PCDH15: variants seen among roughly 807,000 people sequenced by gnomAD.
The protein encoded by PCDH15 is protocadherin related 15, also known as protocadherin-15.
Under a neutral mutation model 178.5 loss-of-function variants are expected in PCDH15, and 129 were observed. The ratio of observed to expected loss-of-function variants is 0.72; its 90% confidence interval spans 0.63 to 0.84. PCDH15 has a LOEUF of 0.84. PCDH15 is among the 40% of genes least tolerant of loss of function. PCDH15 has a pLI of 0.00. For missense variants in PCDH15, 2,230 were observed against 2,099.9 expected (o/e 1.06, Z -1.21); for synonymous variants, 800 against 732.0 (o/e 1.09, Z -1.50).
chr10:54,499,367 G>A (rs1267874000), intron 3 of PCDH15, among the ~76,000 whole-genome samples: 1 of 152,040 alleles, frequency 6.6e-6, no homozygotes, highest in Admixed American at 6.6e-5. Context: ...AATGGAAAAT[G>A]CATCCTTCTC....
intron 2 of PCDH15, among the ~76,000 whole-genome samples, chr10:55,325,241 C>CA (rs1588914810): frequency 6.6e-6 from 1 of 151,698 alleles, no homozygotes; most frequent in African/African-American, 2.4e-5. Flanking sequence ...CATATGGAAC[C>CA]AAAAAAAGCT....
chr10:55,299,962 C>T (rs1843231151), intron 1 of PCDH15, among the ~76,000 whole-genome samples: 2 of 152,156 alleles, frequency 1.3e-5, no homozygotes, highest in Admixed American at 1.3e-4. Context: ...CAACTTATAA[C>T]ATTTTTGTTT....
chr10:53,889,079 C>T (rs1657841073), intron 26 of PCDH15, among the ~76,000 whole-genome samples: 1 of 150,652 alleles, frequency 6.6e-6, no homozygotes, highest in South Asian at 2.1e-4. Flanking sequence ...CAAAAAAATC[C>T]CATATGGACT....
intron 32 of PCDH15, chr10:53,822,453 GGAGAAGGAGGAGAAA>G (rs1250571349): frequency 1.3e-6 from 2 of 1,598,500 alleles, no homozygotes; most frequent in Admixed American, 3.4e-5. Context: ...AGCAGGAGGA[GGAGAAGGAGGAGAAA>G]TAGGAGGAGG....
intron 2 of PCDH15, among the ~76,000 whole-genome samples, chr10:55,431,469 T>G (rs900095334): frequency 1.3e-5 from 2 of 152,048 alleles, no homozygotes; most frequent in Non-Finnish European, 2.9e-5. Context: ...AAGGAAAAAA[T>G]CCAGGTCATA....
At chr10:54,117,414 G>C (rs1238820324) in intron 15 of PCDH15, among the ~76,000 whole-genome samples, 1 of 152,088 alleles carries the variant, frequency 6.6e-6, no homozygotes, top group East Asian at 1.9e-4. Context: ...CCCTGGTTTG[G>C]GGAGCCCTTA....
At chr10:54,429,650 T>C (rs1956726719) in intron 3 of PCDH15, among the ~76,000 whole-genome samples, 2 of 152,094 alleles carry the variant, frequency 1.3e-5, no homozygotes, top group South Asian at 2.1e-4. Context: ...ATATATTCTA[T>C]GCCAATAAAA....
intron 2 of PCDH15, among the ~76,000 whole-genome samples, chr10:54,975,821 G>A (rs1839056143): frequency 6.6e-6 from 1 of 152,108 alleles, no homozygotes; most frequent in African/African-American, 2.4e-5. Context: ...GAAACAATAA[G>A]GCTATATCAT....
chr10:54,191,894 C>T (rs1727497916), intron 11 of PCDH15, among the ~76,000 whole-genome samples: 1 of 148,260 alleles, frequency 6.7e-6, no homozygotes, highest in Non-Finnish European at 1.5e-5. Flanking sequence ...GCACTCCAGC[C>T]TGGGTGACAG....
chr10:54,762,117 TG>T (rs1947952827), intron 1 of PCDH15, among the ~76,000 whole-genome samples: 1 of 152,152 alleles, frequency 6.6e-6, no homozygotes, highest in Admixed American at 6.5e-5. Context: ...ATTTTACCTA[TG>T]TATGAGCTAT....
At chr10:54,025,073 A>G (rs2093041645) in intron 18 of PCDH15, among the ~76,000 whole-genome samples, 1 of 152,174 alleles carries the variant, frequency 6.6e-6, no homozygotes. Context: ...GTTTTTATTG[A>G]CCCATATAAT....
intron 3 of PCDH15, among the ~76,000 whole-genome samples, chr10:54,464,799 A>G (rs1351926467): frequency 6.6e-6 from 1 of 152,164 alleles, no homozygotes; most frequent in East Asian, 1.9e-4. Context: ...AACAAGAGCA[A>G]CCTAATTCTA....
At chr10:54,783,086 G>A (rs561563705) in intron 1 of PCDH15, among the ~76,000 whole-genome samples, 6 of 152,108 alleles carry the variant, frequency 3.9e-5, no homozygotes, top group East Asian at 1.9e-4. Flanking sequence ...GCAAGGAAAC[G>A]TGACACTTTC....
chr10:55,050,783 A>G (rs1454644368), intron 2 of PCDH15, among the ~76,000 whole-genome samples: 1 of 152,088 alleles, frequency 6.6e-6, no homozygotes, highest in Non-Finnish European at 1.5e-5. Flanking sequence ...CAGTACCCAA[A>G]GTTAATTCAA....
chr10:54,801,683 C>G (rs1373721814), upstream of PCDH15, among the ~76,000 whole-genome samples: 1 of 152,096 alleles, frequency 6.6e-6, no homozygotes, highest in Admixed American at 6.6e-5. Flanking sequence ...CCCTCCACAT[C>G]TTTGGGGCAT....
intron 2 of PCDH15, among the ~76,000 whole-genome samples, chr10:54,930,163 C>A (rs1187403157): frequency 6.6e-6 from 1 of 152,132 alleles, no homozygotes; most frequent in African/African-American, 2.4e-5. Flanking sequence ...GTAAGGAGCA[C>A]ACAACGTGGA....
chr10:55,358,797 G>A (rs1845143991), intron 2 of PCDH15, among the ~76,000 whole-genome samples: 1 of 152,084 alleles, frequency 6.6e-6, no homozygotes, highest in East Asian at 1.9e-4. Flanking sequence ...TTTTGCCAGA[G>A]ATGAAAGTTG....
At chr10:54,575,744 A>G (rs1384536901) in intron 2 of PCDH15, among the ~76,000 whole-genome samples, 2 of 152,206 alleles carry the variant, frequency 1.3e-5, no homozygotes, top group African/African-American at 4.8e-5. Flanking sequence ...AGTAATAAAC[A>G]AGTCAACTGC....
At chr10:53,919,419 A>G (rs1023021549) in intron 25 of PCDH15, among the ~76,000 whole-genome samples, 31 of 152,230 alleles carry the variant, frequency 2.0e-4, no homozygotes, top group African/African-American at 7.2e-4. Flanking sequence ...ATGTGCAAAC[A>G]ACATCACTGA....
Sources: allele counts gnomAD v4.1 joint callset (sites outside exome capture counted in the v4.1 genomes callset), GRCh38; gene constraint gnomAD v4.1.1; transcripts MANE v1.5; gene names NCBI Gene and HGNC (gene_info 2026-07-23, HGNC 2026-07-21).